TMEM87A: variants seen among roughly 807,000 people sequenced by gnomAD.
TMEM87A encodes the protein Golgi-pH regulating cation channel.
A neutral mutation model predicts 90.0 loss-of-function variants in TMEM87A; 50 were observed. The ratio of observed to expected loss-of-function variants is 0.56; its 90% CI spans 0.44 to 0.70. TMEM87A has a LOEUF of 0.70. Ranked by LOEUF, TMEM87A falls within the 30% of genes least tolerant of loss-of-function variation. TMEM87A has a pLI of 0.00. For synonymous variants in TMEM87A, 226 were observed against 226.7 expected (o/e 1.00, Z 0.03); for missense variants, 577 against 660.5 (o/e 0.87, Z 1.39).
At chr15:42,225,077 T>G (rs1217001163) in intron 15 of TMEM87A, among the ~76,000 whole-genome samples, 1 of 152,250 alleles carries the variant, frequency 6.6e-6, no homozygotes, top group Non-Finnish European at 1.5e-5. Context: ...TTATTTTCTT[T>G]CATTACTTTT....
chr15:42,243,247 G>A (rs978733441), intron 7 of TMEM87A, among the ~76,000 whole-genome samples: 7 of 151,028 alleles, frequency 4.6e-5, no homozygotes, highest in Non-Finnish European at 1.0e-4. Context: ...TAGCCTGGGC[G>A]ACAGAGTGAG....
intron 7 of TMEM87A, among the ~76,000 whole-genome samples, chr15:42,240,797 T>A (rs958131885): frequency 6.6e-6 from 1 of 152,138 alleles, no homozygotes; most frequent in Non-Finnish European, 1.5e-5. Context: ...CTACATCCAA[T>A]ACTTACATGA....
chr15:42,244,025 C>T (rs1275650844), intron 7 of TMEM87A, 25 bp downstream of exon 7: 2 of 1,377,238 alleles, frequency 1.5e-6, no homozygotes, highest in African/African-American at 3.0e-5. Context: ...AATAACATAA[C>T]CATTAAAAAA....
intron 6 of TMEM87A, among the ~76,000 whole-genome samples, chr15:42,259,210 C>T (rs1206992301): frequency 2.0e-5 from 3 of 151,554 alleles, no homozygotes; most frequent in Non-Finnish European, 4.4e-5. Context: ...GCAGCCTCCA[C>T]CTTCTGGGTT....
intron 15 of TMEM87A, among the ~76,000 whole-genome samples, chr15:42,225,200 T>C (rs1261577925): frequency 6.6e-6 from 1 of 152,210 alleles, no homozygotes; most frequent in African/African-American, 2.4e-5. Flanking sequence ...CAATCTTTCA[T>C]TGGGTCTGGT....
chr15:42,248,871 C>T (rs1371218797), intron 6 of TMEM87A, among the ~76,000 whole-genome samples: 1 of 152,192 alleles, frequency 6.6e-6, no homozygotes, highest in Non-Finnish European at 1.5e-5. Flanking sequence ...ACCAGCTCCT[C>T]TTTGTACCTC....
chr15:42,226,762 A>T, intron 15 of TMEM87A, 44 bp downstream of exon 15: 1 of 1,542,456 alleles, frequency 6.5e-7, no homozygotes. Flanking sequence ...AATTGATGAC[A>T]TGGTCATCTC....
Position 42,211,659 on chromosome 15 carries a change from G to T in TMEM87A, c.*49C>A, listed in dbSNP as rs1288367734. ...CGTACAGAAGACTGACACAGATGCTGATCTCTTCCCTGATGGTAGCCATCT... is the reference window on the plus strand; with the variant it reads ...CGTACAGAAGACTGACACAGATGCTTATCTCTTCCCTGATGGTAGCCATCT... On this transcript the variant is annotated 3_prime_UTR_variant, in exon 20 of 20. Coordinates refer to ENST00000389834, the MANE Select transcript of TMEM87A (RefSeq NM_015497.5). The T allele has an allele frequency of 3.8e-6, 6 of 1,569,058 alleles. No individual in the cohort carries two copies. The highest frequency in any genetic ancestry group is 5.3e-6 in the Non-Finnish European group (6 of 1,141,188).
chr15:42,258,065 A>G, intron 6 of TMEM87A: 1 of 974,956 alleles, frequency 1.0e-6, no homozygotes, highest in African/African-American at 1.8e-5. Flanking sequence ...TAATCACAAC[A>G]CTGCATAAAA....
At chr15:42,273,516 G>C (rs992247578), upstream of TMEM87A, 5 of 1,495,612 alleles carry the variant, frequency 3.3e-6, no homozygotes, top group African/African-American at 6.9e-5. Context: ...CGCGGAGCTT[G>C]TTTGCTGTGC....
At chr15:42,223,662 C>A (rs74860387) in intron 15 of TMEM87A, among the ~76,000 whole-genome samples, 1,945 of 152,314 alleles carry the variant, frequency 0.013, 43 homozygotes, top group African/African-American at 0.044. Flanking sequence ...GATGCTGACA[C>A]TGCGAGCCAA....
intron 6 of TMEM87A, among the ~76,000 whole-genome samples, chr15:42,255,608 A>C (rs551031969): frequency 6.6e-6 from 1 of 152,270 alleles, no homozygotes; most frequent in Admixed American, 6.5e-5. Context: ...AAACTGCTCT[A>C]AACAATAAAC....
chr15:42,257,777 T>C (rs1167489569), intron 6 of TMEM87A, among the ~76,000 whole-genome samples: 2 of 152,108 alleles, frequency 1.3e-5, no homozygotes, highest in East Asian at 1.9e-4. Context: ...ATTAAAATCA[T>C]AATAAAATGG....
At chr15:42,245,833 A>C (rs957532086) in intron 6 of TMEM87A, among the ~76,000 whole-genome samples, 3 of 152,052 alleles carry the variant, frequency 2.0e-5, no homozygotes, top group African/African-American at 7.3e-5. Flanking sequence ...GCCCCGGCCC[A>C]TTTACTACAT....
At chr15:42,220,985 C>T (rs1432169528) in intron 15 of TMEM87A, among the ~76,000 whole-genome samples, 2 of 151,964 alleles carry the variant, frequency 1.3e-5, no homozygotes, top group African/African-American at 2.4e-5. Context: ...ATTAAAAATA[C>T]AAAAATTAGC....
intron 4 of TMEM87A, 38 bp downstream of exon 4, chr15:42,264,052 G>C (rs780321180): frequency 6.6e-7 from 1 of 1,509,990 alleles, no homozygotes; most frequent in African/African-American, 1.4e-5. Flanking sequence ...TCCAATTTTT[G>C]CCTATTCTAT....
In TMEM87A at chr15:42,211,012, G is replaced by T. The variant is rs1364514641; in HGVS notation, c.*696C>A. 6.6e-6 allele frequency: 1 copy of T among 152,514 alleles called. No individual in the cohort carries two copies. The highest frequency in any genetic ancestry group is 1.5e-5 in the Non-Finnish European group (1 of 68,016). 9.4% of individuals were successfully genotyped at this position (152,514 alleles called of 1,614,324 possible). On this transcript the variant is annotated 3_prime_UTR_variant, in exon 20 of 20. Transcript: ENST00000389834. Reference sequence around the variant, plus strand: ...TGTCACAATAGCAGATGTCAAAAGAGTTAAGCTAATATTTCTCTTTAAAGT... The same window carrying T: ...TGTCACAATAGCAGATGTCAAAAGATTTAAGCTAATATTTCTCTTTAAAGT...
chr15:42,226,650 A>C, intron 15 of TMEM87A, 156 bp downstream of exon 15: 1 of 661,884 alleles, frequency 1.5e-6, no homozygotes, highest in East Asian at 2.5e-5. Context: ...CATGAAGTTA[A>C]GAGGAGAGCT....
At chr15:42,241,571 T>C (rs542173138) in intron 7 of TMEM87A, among the ~76,000 whole-genome samples, 49 of 152,270 alleles carry the variant, frequency 3.2e-4, no homozygotes, top group African/African-American at 1.1e-3. Flanking sequence ...CTGCAAAATG[T>C]AGTCATTTTA....
Sources: gnomAD v4.1 joint callset for allele counts (sites outside exome capture counted in the v4.1 genomes callset) on GRCh38, gnomAD v4.1.1 for gene constraint, MANE v1.5 for transcripts, NCBI Gene and HGNC (gene_info 2026-07-23, HGNC 2026-07-21) for gene names.